Variants in BCAS3 observed in about 807,000 individuals in gnomAD.
BCAS3 encodes the protein BCAS4/BCAS3 fusion.
In BCAS3, 53 loss-of-function variants were observed where a neutral mutation model predicts 116.1. The ratio of observed to expected loss-of-function variants is 0.46; its 90% confidence interval spans 0.37 to 0.57. BCAS3 has a LOEUF of 0.57. BCAS3 is among the 20% of genes least tolerant of loss of function. The pLI is 0.00. For missense variants in BCAS3, 917 were observed against 1,165.4 expected (o/e 0.79, Z 3.10); for synonymous variants, 391 against 408.2 (o/e 0.96, Z 0.51).
chr17:61,039,620 A>C (rs2067341479), intron 18 of BCAS3, among the ~76,000 whole-genome samples: 1 of 152,104 alleles, frequency 6.6e-6, no homozygotes, highest in South Asian at 2.1e-4. Flanking sequence ...ACAGGGTTTC[A>C]CTGTGTTAGT....
chr17:60,985,800 G>A (rs562913706), intron 14 of BCAS3, among the ~76,000 whole-genome samples: 6 of 152,168 alleles, frequency 3.9e-5, no homozygotes, highest in Non-Finnish European at 7.3e-5. Flanking sequence ...TCAGTGGCAC[G>A]ATCTCAGCTC....
At chr17:60,709,653 T>A (rs969829430) in intron 5 of BCAS3, 3 of 279,478 alleles carry the variant, frequency 1.1e-5, no homozygotes, top group African/African-American at 2.3e-5. Context: ...CCTCCCAAAG[T>A]GTTGGGATTA....
intron 22 of BCAS3, among the ~76,000 whole-genome samples, chr17:61,138,570 G>A (rs1291914680): frequency 6.6e-6 from 1 of 152,158 alleles, no homozygotes; most frequent in East Asian, 1.9e-4. Context: ...TGACTTGATT[G>A]TTGTAGTAAT....
At position 61,248,344 on chromosome 17, in the gene BCAS3, G is replaced by C. The variant is rs1232491403; in HGVS notation, c.2426-119983G>C. Among the ~76,000 whole-genome samples, 1 of 152,122 alleles carries C rather than the reference G, an allele frequency of 6.6e-6. No homozygotes were observed. Among genetic ancestry groups the C allele is most frequent in the Non-Finnish European group, 1.5e-5 (1 of 68,024 alleles). ...GTCTTGGGTAAAGGAATATATTTGT[G>C]AATTGTGGCTGATACTACTTTAAAA... On this transcript the variant is annotated intron_variant, in intron 22 of 23. Transcript: ENST00000407086. The surrounding 1 kb of genome is among the most constrained non-coding windows in gnomAD (Gnocchi z 4.3).
chr17:60,881,925 G>A (rs2056200182), intron 9 of BCAS3, among the ~76,000 whole-genome samples: 2 of 149,714 alleles, frequency 1.3e-5, no homozygotes, highest in Admixed American at 1.3e-4. Flanking sequence ...CTTTATAGCA[G>A]CATGATTTAT....
chr17:60,913,594 A>G (rs2058630186), intron 12 of BCAS3, among the ~76,000 whole-genome samples: 1 of 152,084 alleles, frequency 6.6e-6, no homozygotes, highest in African/African-American at 2.4e-5. Flanking sequence ...TATCGCTTTT[A>G]GCCCCTTCCG....
At chr17:61,175,674 C>T (rs1318094843) in intron 22 of BCAS3, among the ~76,000 whole-genome samples, 2 of 152,118 alleles carry the variant, frequency 1.3e-5, no homozygotes, top group African/African-American at 4.8e-5. Context: ...ATTCACATTC[C>T]CACCAACAAT....
intron 14 of BCAS3, among the ~76,000 whole-genome samples, chr17:60,981,091 C>T (rs890210069): frequency 5.3e-5 from 8 of 152,082 alleles, no homozygotes; most frequent in Non-Finnish European, 1.0e-4. Flanking sequence ...CCACTTCCCC[C>T]TCCCAAAGTG....
At position 61,026,323 on chromosome 17, in the gene BCAS3, G is replaced by C. The variant is rs1227432834; in HGVS notation, c.1638-8343G>C. On this transcript the variant is annotated intron_variant, in intron 16 of 23. Coordinates refer to ENST00000407086, the MANE Select transcript of BCAS3 (RefSeq NM_017679.5). The surrounding 1 kb of genome is among the most constrained non-coding windows in gnomAD (Gnocchi z 5.0). ...AGAAAAATTATACTAGTTGTACTTAGTGTTTTTTCCTTTGACCAACAATAT... is the reference window on the plus strand; with the variant it reads ...AGAAAAATTATACTAGTTGTACTTACTGTTTTTTCCTTTGACCAACAATAT... 6.6e-6 allele frequency among the ~76,000 whole-genome samples: 1 copy of C among 152,020 alleles called. No homozygotes were observed. The highest frequency in any genetic ancestry group is 1.9e-4 in the East Asian group (1 of 5,202).
At chr17:60,772,551 A>G (rs145768001) in intron 6 of BCAS3, among the ~76,000 whole-genome samples, 3 of 152,260 alleles carry the variant, frequency 2.0e-5, no homozygotes, top group East Asian at 3.9e-4. Flanking sequence ...GCAGAAGCCA[A>G]TTAGATCCCA....
At chr17:61,331,328 C>T (rs1343664251) in intron 22 of BCAS3, among the ~76,000 whole-genome samples, 3 of 152,012 alleles carry the variant, frequency 2.0e-5, no homozygotes, top group South Asian at 2.1e-4. Flanking sequence ...CATTCTGGGA[C>T]GTTCTGTTCT....
intron 6 of BCAS3, among the ~76,000 whole-genome samples, chr17:60,797,987 G>A (rs1302466333): frequency 6.6e-6 from 1 of 152,158 alleles, no homozygotes; most frequent in Non-Finnish European, 1.5e-5. Context: ...GTTTCAGTGA[G>A]TTGAGATTGT....
rs1319702883 is a variant in BCAS3, at chr17:60,990,097, C to T, written c.1348C>T (p.Arg450Ter). 1.2e-6 allele frequency: 2 copies of T among 1,614,132 alleles called. No homozygotes were observed. Among genetic ancestry groups the T allele is most frequent in the Admixed American group, 1.7e-5 (1 of 60,022 alleles). Reference protein sequence around the residue: ...QPCVRTHMSPRVVNRMSRFQK... With the variant: ...QPCVRTHMSP ...TTGTGTTCGTACACATATGTCACCA[C>T]GAGTAGTGAATCGCATGAGCCGTTT... Residue 450 changes from arginine (R) to a stop codon, truncating the protein, a stop_gained, in exon 15 of 24, where the codon CGA (arginine) becomes TGA (stop). Coordinates refer to ENST00000407086, the MANE Select transcript of BCAS3 (RefSeq NM_017679.5). LOFTEE classifies it high-confidence loss of function. The surrounding 1 kb of genome is among the most constrained non-coding windows in gnomAD (Gnocchi z 5.1).
At chr17:60,825,365 A>G (rs1226593124) in intron 7 of BCAS3, among the ~76,000 whole-genome samples, 1 of 151,474 alleles carries the variant, frequency 6.6e-6, no homozygotes, top group Non-Finnish European at 1.5e-5. Context: ...AGCTTAACAT[A>G]GGCCACCTTG....
Position 61,241,090 on chromosome 17 carries a change from A to C in BCAS3, c.2426-127237A>C, listed in dbSNP as rs1203777922. On this transcript the variant is annotated intron_variant, in intron 22 of 23. Coordinates refer to ENST00000407086, the MANE Select transcript of BCAS3 (RefSeq NM_017679.5). This position sits in a 1 kb window ranked among gnomAD's most constrained non-coding sequence, Gnocchi z 4.6. ...ATCACTTACCCTTCAAAAGACTCTG[A>C]ATAGCAATTACAATACAGTTAAGCT... is the stretch of plus-strand genomic sequence containing the variant. Among the ~76,000 whole-genome samples the C allele has an allele frequency of 1.3e-5, 2 of 152,200 alleles. No homozygotes were observed. Among genetic ancestry groups the C allele is most frequent in the African/African-American group, 4.8e-5 (2 of 41,454 alleles).
chr17:60,715,107 A>G (rs1439088253), intron 5 of BCAS3, among the ~76,000 whole-genome samples: 3 of 151,948 alleles, frequency 2.0e-5, no homozygotes, highest in Non-Finnish European at 4.4e-5. Flanking sequence ...TATGAAACAA[A>G]TGAAGTTCTG....
intron 14 of BCAS3, among the ~76,000 whole-genome samples, chr17:60,969,716 C>T (rs916678513): frequency 3.3e-5 from 5 of 152,140 alleles, no homozygotes; most frequent in African/African-American, 1.2e-4. Flanking sequence ...ACAACAAAAA[C>T]CATGTCAAAG....
chr17:60,948,947 G>T (rs1469852466), intron 14 of BCAS3, among the ~76,000 whole-genome samples: 1 of 151,534 alleles, frequency 6.6e-6, no homozygotes, highest in Non-Finnish European at 1.5e-5. Flanking sequence ...TATGATCTCG[G>T]CTCACTGCAA....
In BCAS3 at chr17:61,041,269, A is replaced by T. The variant is rs1301526002; in HGVS notation, c.2029+377A>T. 1.3e-5 allele frequency among the ~76,000 whole-genome samples: 2 copies of T among 151,804 alleles called. No individual in the cohort carries two copies. The highest frequency in any genetic ancestry group is 4.1e-4 in the South Asian group (2 of 4,830). On this transcript the variant is annotated intron_variant, in intron 19 of 23. Coordinates refer to ENST00000407086, the MANE Select transcript of BCAS3 (RefSeq NM_017679.5). This position sits in a 1 kb window ranked among gnomAD's most constrained non-coding sequence, Gnocchi z 4.7. Reference sequence around the variant, plus strand: ...AAAAAAAAACCCCAAAACTTAGCACAGTTAAAAGTGCAACTATGAAAACAA... The same window carrying T: ...AAAAAAAAACCCCAAAACTTAGCACTGTTAAAAGTGCAACTATGAAAACAA...
Sources: allele counts gnomAD v4.1 joint callset (sites outside exome capture counted in the v4.1 genomes callset), GRCh38; gene constraint gnomAD v4.1.1; non-coding constraint Gnocchi (gnomAD v3.1); transcripts MANE v1.5; gene names NCBI Gene and HGNC (gene_info 2026-07-23, HGNC 2026-07-21).